The following PPFIA2 variants were observed in gnomAD, a reference collection of about 807,000 sequenced individuals.
PPFIA2 encodes PPFI scaffold protein A2.
PPFIA2 carries 46 observed loss-of-function variants against 175.5 expected under a neutral mutation model. That is an observed-to-expected ratio of 0.26 (90% CI 0.21 to 0.34). The LOEUF (loss-of-function observed/expected upper bound fraction) is 0.34. Among genes scored for constraint, PPFIA2 ranks in the 10% least tolerant of loss-of-function variants. The pLI is 1.00. For missense variants in PPFIA2, 1,179 were observed against 1,506.1 expected (o/e 0.78, Z 3.60); for synonymous variants, 568 against 511.4 (o/e 1.11, Z -1.49).
intron 4 of PPFIA2, among the ~76,000 whole-genome samples, chr12:81,587,245 G>T (rs2075419626): frequency 6.6e-6 from 1 of 151,930 alleles, no homozygotes; most frequent in Non-Finnish European, 1.5e-5. Flanking sequence ...GGGAGTGATT[G>T]GATCATGGCG....
At chr12:81,364,246 T>C (rs1043998834) in intron 14 of PPFIA2, among the ~76,000 whole-genome samples, 3 of 151,724 alleles carry the variant, frequency 2.0e-5, no homozygotes, top group Non-Finnish European at 4.4e-5. Context: ...AATTGACAAA[T>C]AGAGGATACT....
intron 2 of PPFIA2, among the ~76,000 whole-genome samples, chr12:81,755,070 C>A (rs1391621381): frequency 6.6e-6 from 1 of 152,158 alleles, no homozygotes; most frequent in Non-Finnish European, 1.5e-5. Context: ...AGCACTCTTT[C>A]AAATATTCCG....
At chr12:81,451,021 G>C (rs1370624590) in intron 5 of PPFIA2, among the ~76,000 whole-genome samples, 1 of 152,022 alleles carries the variant, frequency 6.6e-6, no homozygotes, top group Non-Finnish European at 1.5e-5. Context: ...CAGAAACCAA[G>C]GTTTATAATT....
At chr12:81,264,801 T>A (rs1203259453) in intron 30 of PPFIA2, among the ~76,000 whole-genome samples, 1 of 152,248 alleles carries the variant, frequency 6.6e-6, no homozygotes, top group Admixed American at 6.5e-5. Context: ...CCAACTGCTG[T>A]GTTTTTCATT....
Position 81,707,710 on chromosome 12 carries a change from G to C in PPFIA2, c.250-30866C>G, listed in dbSNP as rs1401752501. ...GGACTATAAATCATGCTGCTATAAA[G>C]ACACATGCACACGTATGTTTATTGC... On this transcript the variant is annotated intron_variant, in intron 3 of 32. Transcript: ENST00000549396. Among the ~76,000 whole-genome samples, 1,084 of 151,164 alleles carry C rather than the reference G, an allele frequency of 7.2e-3. 17 individuals carry two copies. The highest frequency in any genetic ancestry group is 0.025 in the African/African-American group (1,029 of 41,266).
At chr12:81,410,064 G>A (rs1253447233) in intron 7 of PPFIA2, among the ~76,000 whole-genome samples, 1 of 152,070 alleles carries the variant, frequency 6.6e-6, no homozygotes, top group Non-Finnish European at 1.5e-5. Flanking sequence ...TAAGCCTTTT[G>A]CCAGCCACCT....
At chr12:81,417,285 A>G (rs1287334579) in intron 7 of PPFIA2, 2 of 151,636 alleles carry the variant, frequency 1.3e-5, no homozygotes, top group African/African-American at 4.8e-5. Flanking sequence ...TGATTTCTAT[A>G]TTCTTCCTCT....
intron 4 of PPFIA2, among the ~76,000 whole-genome samples, chr12:81,632,144 T>C (rs1157416109): frequency 6.6e-6 from 1 of 152,092 alleles, no homozygotes; most frequent in African/African-American, 2.4e-5. Flanking sequence ...AAGTGAGAAC[T>C]TGGTTTGTGT....
At chr12:81,381,724 T>C (rs911480670) in intron 9 of PPFIA2, among the ~76,000 whole-genome samples, 1 of 152,204 alleles carries the variant, frequency 6.6e-6, no homozygotes, top group African/African-American at 2.4e-5. Flanking sequence ...ATTATATTAA[T>C]TCATAAAAAG....
intron 4 of PPFIA2, among the ~76,000 whole-genome samples, chr12:81,459,087 T>A (rs1218427903): frequency 6.6e-6 from 1 of 152,206 alleles, no homozygotes; most frequent in Non-Finnish European, 1.5e-5. Flanking sequence ...CTAAAGGGCT[T>A]CAGCCCAAGT....
Position 81,341,117 on chromosome 12 carries a change from G to A in PPFIA2, c.2354C>T (p.Thr785Ile), listed in dbSNP as rs1235361530. ...PPPTPRALRM[T>I]HTLPSSYHND... is the part of the protein sequence containing the mutation. ...GTGGTAGGAAGAAGGGAGAGTGTGA[G>A]TCATTCTGAGGGCTCTAGGGGTAGG... Residue 785 changes from threonine (T) to isoleucine (I), a missense_variant, in exon 20 of 33, where the codon ACT becomes ATT. By Grantham distance (89) the Thr-to-Ile change is moderately conservative. This residue lies in a region of PPFIA2 where 223 missense variants were observed against 241.6 expected (regional missense o/e 0.92). Transcript: ENST00000549396. The A allele has an allele frequency of 5.0e-6, 8 of 1,611,178 alleles. No individual in the cohort carries two copies. The highest frequency in any genetic ancestry group is 5.1e-6 in the Non-Finnish European group (6 of 1,177,724).
chr12:81,578,471 G>A (rs535337688), intron 4 of PPFIA2, among the ~76,000 whole-genome samples: 1 of 151,638 alleles, frequency 6.6e-6, no homozygotes, highest in Non-Finnish European at 1.5e-5. Context: ...CCTCTGCTTA[G>A]AAAGAAACTG....
intron 28 of PPFIA2, among the ~76,000 whole-genome samples, chr12:81,274,314 GT>G (rs2039954970): frequency 6.6e-6 from 1 of 151,956 alleles, no homozygotes; most frequent in Admixed American, 6.6e-5. Context: ...GGAGTATTTG[GT>G]TTTTTTCTAG....
chr12:81,431,200 G>T (rs1266490845), intron 7 of PPFIA2: 2 of 152,144 alleles, frequency 1.3e-5, no homozygotes, highest in Admixed American at 6.5e-5. Context: ...ATTTTTACAG[G>T]TGCTTCTGAA....
intron 4 of PPFIA2, among the ~76,000 whole-genome samples, chr12:81,552,359 A>C (rs1012563745): frequency 3.3e-5 from 5 of 150,068 alleles, no homozygotes; most frequent in Non-Finnish European, 6.0e-5. Context: ...ACTGTGTAAT[A>C]TACACATTTT....
intron 7 of PPFIA2, chr12:81,431,487 G>A (rs972791653): frequency 6.6e-6 from 1 of 151,802 alleles, no homozygotes; most frequent in African/African-American, 2.4e-5. Context: ...GCCTAAGTGG[G>A]GCCATTCAAA....
At chr12:81,279,448 G>A (rs560937007) in intron 27 of PPFIA2, 1 of 151,866 alleles carries the variant, frequency 6.6e-6, no homozygotes, top group South Asian at 2.1e-4. Flanking sequence ...TTAAACCAAT[G>A]CTTCTTGGTC....
At chr12:81,320,452 A>T (rs1462077825) in intron 22 of PPFIA2, among the ~76,000 whole-genome samples, 3 of 152,058 alleles carry the variant, frequency 2.0e-5, no homozygotes, top group Non-Finnish European at 4.4e-5. Flanking sequence ...AAATTTGTTC[A>T]CATATGAAAT....
At chr12:81,675,931 T>C (rs1019060364) in intron 4 of PPFIA2, among the ~76,000 whole-genome samples, 16 of 152,092 alleles carry the variant, frequency 1.1e-4, no homozygotes, top group African/African-American at 2.2e-4. Context: ...GAAAATTAGA[T>C]AACACCGTGA....
Sources: allele counts gnomAD v4.1 joint callset (sites outside exome capture counted in the v4.1 genomes callset), GRCh38; gene constraint gnomAD v4.1.1; regional missense constraint gnomAD v4.1.1; transcripts MANE v1.5; gene names NCBI Gene and HGNC (gene_info 2026-07-23, HGNC 2026-07-21).